The following OLFM3 variants were observed in gnomAD, a reference collection of about 807,000 sequenced individuals.
The protein encoded by OLFM3 is olfactomedin 3, also known as noelin-3.
In OLFM3, 20 loss-of-function variants were observed where a neutral mutation model predicts 48.6. The ratio of observed to expected loss-of-function variants is 0.41; its 90% CI spans 0.29 to 0.60. The LOEUF is 0.60. Ranked by LOEUF, OLFM3 falls within the 20% of genes least tolerant of loss-of-function variation. OLFM3 has a pLI of 0.28. For missense variants in OLFM3, 437 were observed against 544.3 expected, an observed-to-expected ratio of 0.80 and a Z score of 1.96; for synonymous variants, 222 against 198.1, an observed-to-expected ratio of 1.12 and a Z score of -1.01.
chr1:101,983,175 A>G (rs1225348471), intron 1 of OLFM3, among the ~76,000 whole-genome samples: 1 of 152,318 alleles, frequency 6.6e-6, no homozygotes, highest in East Asian at 1.9e-4. Context: ...AATTAAGGAT[A>G]AGAAAAACTC....
chr1:101,898,924 T>C (rs2101015649), intron 1 of OLFM3, among the ~76,000 whole-genome samples: 1 of 152,312 alleles, frequency 6.6e-6, no homozygotes, highest in African/African-American at 2.4e-5. Context: ...TTTAATTCAC[T>C]TATTCAGCAA....
chr1:101,882,401 G>T (rs1657570336), intron 1 of OLFM3: 1 of 149,194 alleles, frequency 6.7e-6, no homozygotes, highest in African/African-American at 2.5e-5. Context: ...ATCATATATA[G>T]AATATCCATA....
intron 1 of OLFM3, among the ~76,000 whole-genome samples, chr1:101,957,435 A>G (rs987638980): frequency 1.3e-5 from 2 of 152,030 alleles, no homozygotes; most frequent in South Asian, 4.1e-4. Context: ...TGGGATGGCA[A>G]AAATGGGAAA....
At chr1:101,928,326 C>T (rs937342184) in intron 1 of OLFM3, among the ~76,000 whole-genome samples, 5 of 152,060 alleles carry the variant, frequency 3.3e-5, no homozygotes, top group Admixed American at 6.6e-5. Flanking sequence ...ATTATGTTTG[C>T]TAGAATGGCT....
chr1:101,950,697 G>A (rs1319142630), intron 1 of OLFM3, among the ~76,000 whole-genome samples: 1 of 152,018 alleles, frequency 6.6e-6, no homozygotes, highest in Non-Finnish European at 1.5e-5. Flanking sequence ...ACCCGCCTCG[G>A]CCTCCCAAAG....
chr1:101,991,016 A>AAAAAAAATATATATATATAT (rs1553186119), intron 1 of OLFM3, among the ~76,000 whole-genome samples: 2 of 32,214 alleles, frequency 6.2e-5, no homozygotes, highest in African/African-American at 3.4e-4. Flanking sequence ...AAAAAAAAAA[A>AAAAAAAATATATATATATAT]ATATATATAT....
intron 1 of OLFM3, among the ~76,000 whole-genome samples, chr1:101,979,783 C>T (rs1661055368): frequency 6.6e-6 from 1 of 152,208 alleles, no homozygotes; most frequent in Admixed American, 6.5e-5. Context: ...GGCCACCATC[C>T]TCCAGCCCCC....
intron 1 of OLFM3, among the ~76,000 whole-genome samples, chr1:101,929,613 A>G (rs1265168896): frequency 7.2e-5 from 11 of 152,188 alleles, no homozygotes; most frequent in Admixed American, 6.5e-4. Context: ...ATTAAAAATA[A>G]CTTAGGAAAG....
At chr1:101,806,232 C>A (rs1653769606) in intron 4 of OLFM3, 50 bp from the exon 5 acceptor site, 3 of 1,359,378 alleles carry the variant, frequency 2.2e-6, no homozygotes, top group Non-Finnish European at 3.2e-6. Flanking sequence ...CCAATGATTC[C>A]AATACGCATA....
At chr1:101,813,060 C>A (rs929393419) in intron 4 of OLFM3, 3 of 1,265,608 alleles carry the variant, frequency 2.4e-6, no homozygotes. Flanking sequence ...GGAGGCAAGT[C>A]GCGTGTTATA....
chr1:101,988,665 A>C, intron 1 of OLFM3, among the ~76,000 whole-genome samples: 1 of 152,076 alleles, frequency 6.6e-6, no homozygotes, highest in South Asian at 2.1e-4. Context: ...TTTTCATGCA[A>C]AAAATACTTA....
intron 1 of OLFM3, among the ~76,000 whole-genome samples, chr1:101,868,649 G>A (rs1422513225): frequency 6.6e-6 from 1 of 152,212 alleles, no homozygotes; most frequent in Non-Finnish European, 1.5e-5. Context: ...TAAGTAATGA[G>A]GAACCAGATG....
chr1:101,921,441 T>C (rs546653281), intron 1 of OLFM3, among the ~76,000 whole-genome samples: 45 of 152,306 alleles, frequency 3.0e-4, no homozygotes, highest in Non-Finnish European at 5.9e-4. Context: ...AAAGCTCTTC[T>C]GGGCTAGAAA....
At chr1:101,962,032 A>G (rs1389442349) in intron 1 of OLFM3, among the ~76,000 whole-genome samples, 1 of 152,070 alleles carries the variant, frequency 6.6e-6, no homozygotes, top group East Asian at 1.9e-4. Flanking sequence ...AAATTACTCA[A>G]TTTTTTTAAG....
intron 1 of OLFM3, among the ~76,000 whole-genome samples, chr1:101,932,485 G>A (rs1337108313): frequency 6.6e-6 from 1 of 152,118 alleles, no homozygotes; most frequent in African/African-American, 2.4e-5. Flanking sequence ...AGGAAGCTGG[G>A]AACCCTGCAC....
At chr1:101,952,876 T>A (rs533828899) in intron 1 of OLFM3, among the ~76,000 whole-genome samples, 1 of 152,252 alleles carries the variant, frequency 6.6e-6, no homozygotes, top group South Asian at 2.1e-4. Context: ...ACTACTCTCA[T>A]GATCTCATTC....
chr1:101,875,727 T>A (rs955064033), intron 1 of OLFM3, among the ~76,000 whole-genome samples: 2 of 151,710 alleles, frequency 1.3e-5, no homozygotes, highest in African/African-American at 2.4e-5. Context: ...TTCAAAGCCA[T>A]ATCAAGAGCT....
chr1:101,914,742 T>G (rs950134712), intron 1 of OLFM3, among the ~76,000 whole-genome samples: 3 of 152,190 alleles, frequency 2.0e-5, no homozygotes, highest in Non-Finnish European at 4.4e-5. Flanking sequence ...CTTTCCAGCC[T>G]TTAATCTGTT....
chr1:101,911,406 A>G (rs1658756144), intron 1 of OLFM3, among the ~76,000 whole-genome samples: 1 of 152,168 alleles, frequency 6.6e-6, no homozygotes, highest in Non-Finnish European at 1.5e-5. Context: ...GGTAAAATAG[A>G]TAAATGACTG....
Sources: allele counts gnomAD v4.1 joint callset (sites outside exome capture counted in the v4.1 genomes callset), GRCh38; gene constraint gnomAD v4.1.1; transcripts MANE v1.5; gene names NCBI Gene and HGNC (gene_info 2026-07-23, HGNC 2026-07-21).